Variants in ROBO2 observed in about 807,000 individuals in gnomAD.
The protein encoded by ROBO2 is roundabout guidance receptor 2.
In ROBO2, 53 loss-of-function variants were observed where a neutral mutation model predicts 160.8. The ratio of observed to expected loss-of-function variants is 0.33; its 90% CI spans 0.26 to 0.41. ROBO2 has a LOEUF of 0.41. Ranked by LOEUF, ROBO2 falls within the 10% of genes least tolerant of loss-of-function variation. The pLI is 1.00. For missense variants in ROBO2, 1,577 were observed against 1,722.4 expected, an observed-to-expected ratio of 0.92 and a Z score of 1.49; for synonymous variants, 664 against 611.7, an observed-to-expected ratio of 1.09 and a Z score of -1.26.
chr3:76,563,788 C>G (rs2084344959), intron 2 of ROBO2, among the ~76,000 whole-genome samples: 1 of 152,146 alleles, frequency 6.6e-6, no homozygotes, highest in East Asian at 1.9e-4. Flanking sequence ...AGTAAATGTT[C>G]AGTGTCTACA....
At position 76,017,792 on chromosome 3, in the gene ROBO2, T is replaced by A. The variant is rs141548803; in HGVS notation, c.109+80190T>A. ...AAACATTGTCTTAAGTTCTACAAAT[T>A]TTTTAAAAAGATGATTCACAGGATT... On this transcript the variant is annotated intron_variant, in intron 2 of 26. Coordinates refer to the ROBO2 transcript ENST00000487694. Among the ~76,000 whole-genome samples the A allele has an allele frequency of 2.6e-5, 4 of 152,196 alleles. No individual in the cohort carries two copies. The East Asian group carries it at 7.7e-4, about 29-fold the overall frequency.
chr3:76,354,740 A>C (rs1220149916), intron 2 of ROBO2, among the ~76,000 whole-genome samples: 1 of 151,818 alleles, frequency 6.6e-6, no homozygotes, highest in Non-Finnish European at 1.5e-5. Context: ...AAAATTATGA[A>C]GGAAAAGTCA....
intron 2 of ROBO2, among the ~76,000 whole-genome samples, chr3:76,183,166 G>A (rs1283362143): frequency 6.6e-6 from 1 of 152,132 alleles, no homozygotes; most frequent in East Asian, 1.9e-4. Flanking sequence ...GTCCAGCAGA[G>A]TGTACACAAA....
At chr3:76,708,397 G>T (rs2093216137) in intron 2 of ROBO2, among the ~76,000 whole-genome samples, 1 of 152,126 alleles carries the variant, frequency 6.6e-6, no homozygotes, top group Admixed American at 6.6e-5. Context: ...CACATCAATT[G>T]TTTAATAGCT....
intron 2 of ROBO2, among the ~76,000 whole-genome samples, chr3:76,823,325 CAA>C (rs1053752240): frequency 2.6e-5 from 4 of 152,172 alleles, no homozygotes; most frequent in Admixed American, 2.6e-4. Flanking sequence ...GAGAAGAATT[CAA>C]AACAGCAAAC....
intron 1 of ROBO2, among the ~76,000 whole-genome samples, chr3:77,082,066 T>C (rs1343251920): frequency 2.0e-5 from 3 of 152,222 alleles, no homozygotes; most frequent in Admixed American, 1.3e-4. Flanking sequence ...TGTATACTAA[T>C]TGATATAACT....
At chr3:76,273,829 G>A (rs1451274811) in intron 2 of ROBO2, among the ~76,000 whole-genome samples, 3 of 152,132 alleles carry the variant, frequency 2.0e-5, no homozygotes, top group Admixed American at 6.6e-5. Context: ...TTTGGGTGGG[G>A]ACACCACAAA....
chr3:77,090,291 A>G (rs2069966860), intron 1 of ROBO2, among the ~76,000 whole-genome samples: 1 of 133,232 alleles, frequency 7.5e-6, no homozygotes, highest in Admixed American at 8.1e-5. Context: ...GGTGATCCAT[A>G]TATATGATTT....
chr3:77,075,930 G>A (rs780631346), intron 1 of ROBO2, among the ~76,000 whole-genome samples: 8 of 151,492 alleles, frequency 5.3e-5, no homozygotes, highest in African/African-American at 9.7e-5. Flanking sequence ...CACCTGCCTC[G>A]GCCTCCCAAA....
At chr3:76,355,034 GTGTATGTGTA>G (rs919590824) in intron 2 of ROBO2, among the ~76,000 whole-genome samples, 42 of 151,566 alleles carry the variant, frequency 2.8e-4, no homozygotes, top group African/African-American at 8.4e-4. Context: ...TTATGTGTAT[GTGTATGTGTA>G]TGTGTGTGTG....
chr3:77,296,117 G>A (rs573153571), intron 2 of ROBO2, among the ~76,000 whole-genome samples: 1 of 151,520 alleles, frequency 6.6e-6, no homozygotes, highest in Non-Finnish European at 1.5e-5. Context: ...CGGGTAGGCT[G>A]AGTCTAGATC....
At chr3:77,632,512 G>A in intron 23 of ROBO2, 1 of 1,535,476 alleles carries the variant, frequency 6.5e-7, no homozygotes, top group South Asian at 1.2e-5. Context: ...ATCTGATGAG[G>A]ATCGTAACTT....
At chr3:77,615,177 T>G (rs1404495438) in intron 21 of ROBO2, among the ~76,000 whole-genome samples, 2 of 150,928 alleles carry the variant, frequency 1.3e-5, no homozygotes, top group Non-Finnish European at 2.9e-5. Flanking sequence ...AAATTAAGAG[T>G]TTTTTTTTAA....
chr3:77,097,666 C>T (rs925848417), intron 1 of ROBO2, among the ~76,000 whole-genome samples: 21 of 152,118 alleles, frequency 1.4e-4, no homozygotes, highest in African/African-American at 5.1e-4. Flanking sequence ...CTTTCTTCCC[C>T]AGTGTATAAT....
chr3:77,300,649 G>A (rs2062574102), intron 2 of ROBO2, among the ~76,000 whole-genome samples: 1 of 151,848 alleles, frequency 6.6e-6, no homozygotes, highest in South Asian at 2.1e-4. Context: ...CATTTAGGTG[G>A]TATTTCCTTA....
intron 2 of ROBO2, among the ~76,000 whole-genome samples, chr3:76,173,734 G>A (rs2073126392): frequency 6.6e-6 from 1 of 151,978 alleles, no homozygotes; most frequent in African/African-American, 2.4e-5. Context: ...TGGTATATAT[G>A]TACCACATTT....
intron 1 of ROBO2, among the ~76,000 whole-genome samples, chr3:77,092,445 A>C (rs2070423129): frequency 6.6e-6 from 1 of 151,710 alleles, no homozygotes; most frequent in Non-Finnish European, 1.5e-5. Flanking sequence ...ACAATTTCAC[A>C]ACTTACTTTC....
intron 5 of ROBO2, 76 bp downstream of exon 5, chr3:77,493,458 C>A: frequency 7.0e-7 from 1 of 1,435,396 alleles, no homozygotes; most frequent in South Asian, 1.2e-5. Flanking sequence ...GCTACAATGC[C>A]ACCACCAAAC....
intron 17 of ROBO2, among the ~76,000 whole-genome samples, chr3:77,591,582 G>A (rs1332726599): frequency 6.6e-6 from 1 of 152,178 alleles, no homozygotes; most frequent in Non-Finnish European, 1.5e-5. Flanking sequence ...AAATTGTGGT[G>A]TCTGCAGAAC....
Sources: gnomAD v4.1 joint callset for allele counts (sites outside exome capture counted in the v4.1 genomes callset) on GRCh38, gnomAD v4.1.1 for gene constraint, MANE v1.5 for transcripts, NCBI Gene and HGNC (gene_info 2026-07-23, HGNC 2026-07-21) for gene names.